KMT2C: variants seen among roughly 807,000 people sequenced by gnomAD.
KMT2C encodes histone-lysine N-methyltransferase 2C.
A neutral mutation model predicts 507.9 loss-of-function variants in KMT2C; 88 were observed. The observed-to-expected ratio is 0.17, with a 90% CI of 0.15 to 0.21. KMT2C has a LOEUF of 0.21. KMT2C is among the 10% of genes least tolerant of loss of function. KMT2C has a pLI of 1.00. For missense variants in KMT2C, 4,954 were observed against 5,957.8 expected, an observed-to-expected ratio of 0.83 and a Z score of 5.55; for synonymous variants, 2,049 against 2,080.8, an observed-to-expected ratio of 0.98 and a Z score of 0.42.
intron 2 of KMT2C, among the ~76,000 whole-genome samples, chr7:152,348,581 A>G (rs1176672208): frequency 6.7e-6 from 1 of 148,338 alleles, no homozygotes; most frequent in Non-Finnish European, 1.5e-5. Context: ...CCTGGGCAAC[A>G]AAAGCAAAAC....
chr7:152,301,197 TAAAAAAA>T (rs71533557), intron 6 of KMT2C, among the ~76,000 whole-genome samples: 2 of 132,544 alleles, frequency 1.5e-5, no homozygotes, highest in South Asian at 2.5e-4. Context: ...CCCTGTCTCC[TAAAAAAA>T]AAAAAAAAAA....
intron 18 of KMT2C, among the ~76,000 whole-genome samples, chr7:152,227,746 G>C (rs1341098842): frequency 6.6e-6 from 1 of 152,188 alleles, no homozygotes. Context: ...TGAAGTCTTT[G>C]GTGGAACACC....
chr7:152,186,366 C>T (rs1405974206), intron 33 of KMT2C, among the ~76,000 whole-genome samples: 4 of 152,158 alleles, frequency 2.6e-5, no homozygotes, highest in Admixed American at 2.0e-4. Flanking sequence ...AAAATGACAA[C>T]ATACCCATGT....
chr7:152,160,868 G>A (rs2092413798), intron 43 of KMT2C, among the ~76,000 whole-genome samples: 1 of 151,984 alleles, frequency 6.6e-6, no homozygotes, highest in Admixed American at 6.6e-5. Flanking sequence ...TGGTACAACA[G>A]AAATCGCTAT....
intron 23 of KMT2C, among the ~76,000 whole-genome samples, chr7:152,213,047 C>CA (rs1213464987): frequency 9.2e-5 from 14 of 152,198 alleles, no homozygotes; most frequent in African/African-American, 2.6e-4. Flanking sequence ...GACTCTGTCT[C>CA]AAAAAACAGA....
Position 152,181,434 on chromosome 7 carries a change from TACA to T in KMT2C, c.6423_6425del (p.Val2142del). 1 of 1,613,882 alleles carries T rather than the reference TACA, an allele frequency of 6.2e-7. No individual in the cohort carries two copies. The highest frequency in any genetic ancestry group is 1.1e-5 in the South Asian group (1 of 91,064). ...TTCCTGAAGATTGGGAATAAGAATC[TACA>T]ACAGGTCGTGGAGTTCCTGGGGGTT... On this transcript the variant is annotated inframe_deletion, in exon 36 of 59. Coordinates refer to ENST00000262189, the MANE Select transcript of KMT2C (RefSeq NM_170606.3).
At chr7:152,150,819 A>G in intron 51 of KMT2C, 81 bp downstream of exon 51, 2 of 958,966 alleles carry the variant, frequency 2.1e-6, no homozygotes, top group Non-Finnish European at 1.7e-6. Context: ...GCAGGGACAC[A>G]TCTTTATTCA....
chr7:152,345,176 T>C (rs1351188146), intron 2 of KMT2C, among the ~76,000 whole-genome samples: 1 of 151,820 alleles, frequency 6.6e-6, no homozygotes, highest in East Asian at 1.9e-4. Context: ...TCCCACCACT[T>C]TAGGAGGCTG....
At chr7:152,366,293 C>G (rs2097243048) in intron 1 of KMT2C, among the ~76,000 whole-genome samples, 1 of 152,224 alleles carries the variant, frequency 6.6e-6, no homozygotes, top group African/African-American at 2.4e-5. Flanking sequence ...ATTTATACAC[C>G]CATGTTCACA....
At chr7:152,295,129 C>A (rs2096478098) in intron 6 of KMT2C, among the ~76,000 whole-genome samples, 1 of 151,934 alleles carries the variant, frequency 6.6e-6, no homozygotes, top group Non-Finnish European at 1.5e-5. Context: ...CATTCTATTA[C>A]AATATTTCAT....
chr7:152,187,249 A>G lies in KMT2C; in HGVS notation c.5008+13T>C, dbSNP rs2129124470. The G allele has an allele frequency of 6.2e-7, 1 of 1,604,610 alleles. No individual in the cohort carries two copies. The highest frequency in any genetic ancestry group is 8.5e-7 in the Non-Finnish European group (1 of 1,171,396). ...AATGTTGGTAAAACAGAAATAATAT[A>G]TTCATGGCTTACCAGGGAATTCTTC... On this transcript the variant is annotated intron_variant, in intron 33 of 58. Coordinates refer to ENST00000262189, the MANE Select transcript of KMT2C (RefSeq NM_170606.3).
intron 1 of KMT2C, among the ~76,000 whole-genome samples, chr7:152,434,849 G>C (rs1003138877): frequency 2.0e-4 from 30 of 152,258 alleles, no homozygotes; most frequent in African/African-American, 7.0e-4. Flanking sequence ...GACTTACGAG[G>C]GAAGCGACAT....
intron 6 of KMT2C, among the ~76,000 whole-genome samples, chr7:152,303,986 C>T (rs747985652): frequency 2.0e-5 from 3 of 151,710 alleles, no homozygotes; most frequent in Non-Finnish European, 4.4e-5. Context: ...GAGACTATGT[C>T]TCCAAAAACA....
chr7:152,300,879 G>A (rs1296390426), intron 6 of KMT2C, among the ~76,000 whole-genome samples: 1 of 151,962 alleles, frequency 6.6e-6, no homozygotes, highest in Non-Finnish European at 1.5e-5. Flanking sequence ...CCAACATGGC[G>A]AAACCCCGTC....
At chr7:152,352,385 C>A (rs553617850) in intron 2 of KMT2C, among the ~76,000 whole-genome samples, 2 of 152,110 alleles carry the variant, frequency 1.3e-5, no homozygotes, top group Non-Finnish European at 2.9e-5. Context: ...TCTCGCCCTG[C>A]CTTCATTTGC....
In KMT2C at chr7:152,368,581, T is replaced by C. The variant is rs569302562; in HGVS notation, c.162-9906A>G. ...TCAGTTTGAGGATGAGAAGGCAAAC[T>C]GGGAAGCTCAACAACATATTTTAGA... On this transcript the variant is annotated intron_variant, in intron 1 of 58. Coordinates refer to ENST00000262189, the MANE Select transcript of KMT2C (RefSeq NM_170606.3). 7.8e-6 allele frequency: 11 copies of C among 1,408,454 alleles called. No homozygotes were observed. In the African/African-American group the frequency reaches 1.1e-4, roughly 14 times the overall value. The allele number at this position is 1,408,454 out of a possible 1,614,324, so 87.2% of individuals were successfully genotyped here.
chr7:152,295,460 A>C (rs1334428929), intron 6 of KMT2C, among the ~76,000 whole-genome samples: 1 of 152,186 alleles, frequency 6.6e-6, no homozygotes, highest in Non-Finnish European at 1.5e-5. Context: ...AAACCCTGTA[A>C]AGGGTGACCC....
rs762439579 is a variant in KMT2C, at chr7:152,156,226, C to T, written c.11791G>A (p.Gly3931Arg). 34 of 1,613,970 alleles carry T rather than the reference C, an allele frequency of 2.1e-5. No homozygotes were observed. The African/African-American group carries it at 2.5e-4, about 12-fold the overall frequency. The change falls in exon 45 of 59, where the codon GGA (glycine) becomes AGA (arginine). Residue 3931 changes from glycine to arginine, a missense_variant. Physicochemically the swap from Gly to Arg is moderately radical, Grantham distance 125 (BLOSUM62 -2). Coordinates refer to ENST00000262189, the MANE Select transcript of KMT2C (RefSeq NM_170606.3). ...ATACCTTCATGGCTCACTAACACTC[C>T]GGCTTTTCCAGCAAGTTCTTCAGTT... is the stretch of plus-strand genomic sequence containing the variant. The part of the protein sequence containing the change: ...ATTEELAGKA[G>R]VLVSHEVTKT...
At chr7:152,143,723 C>T (rs554338761) in intron 55 of KMT2C, among the ~76,000 whole-genome samples, 3 of 152,370 alleles carry the variant, frequency 2.0e-5, no homozygotes, top group Non-Finnish European at 2.9e-5. Context: ...AAGACCTCCA[C>T]TGAGGTGTAG....
Sources: gnomAD v4.1 joint callset for allele counts (sites outside exome capture counted in the v4.1 genomes callset) on GRCh38, gnomAD v4.1.1 for gene constraint, MANE v1.5 for transcripts, NCBI Gene and HGNC (gene_info 2026-07-23, HGNC 2026-07-21) for gene names.